Variants in RAPGEF5 observed in about 807,000 individuals in gnomAD.
RAPGEF5 encodes Rap guanine nucleotide exchange factor 5.
A neutral mutation model predicts 125.2 loss-of-function variants in RAPGEF5; 65 were observed. The observed-to-expected ratio is 0.52, with a 90% confidence interval of 0.43 to 0.64. The LOEUF (loss-of-function observed/expected upper bound fraction) is 0.64. Ranked by LOEUF, RAPGEF5 falls within the 30% of genes least tolerant of loss-of-function variation. The probability of loss-of-function intolerance (pLI) is 0.00; values close to 1 mark genes in which losing one functional copy is unlikely to be tolerated. For missense variants in RAPGEF5, 958 were observed against 1,048.1 expected (o/e 0.91, Z 1.19); for synonymous variants, 391 against 385.9 (o/e 1.01, Z -0.16).
intron 9 of RAPGEF5, among the ~76,000 whole-genome samples, chr7:22,198,440 C>A (rs576831649): frequency 1.3e-5 from 2 of 152,190 alleles, no homozygotes; most frequent in Non-Finnish European, 2.9e-5. Flanking sequence ...ATCAGAAGAC[C>A]TGCTTTAATT....
At chr7:22,349,003 A>T (rs140610375) in intron 1 of RAPGEF5, among the ~76,000 whole-genome samples, 1 of 151,908 alleles carries the variant, frequency 6.6e-6, no homozygotes, top group African/African-American at 2.4e-5. Context: ...AGGCACAAGA[A>T]TCGCTTGAAC....
chr7:22,264,042 C>A (rs1782224111), intron 7 of RAPGEF5, among the ~76,000 whole-genome samples: 1 of 152,056 alleles, frequency 6.6e-6, no homozygotes, highest in Non-Finnish European at 1.5e-5. Flanking sequence ...TATATTAATT[C>A]TCCCAAACAT....
chr7:22,346,838 C>T (rs372279109), intron 1 of RAPGEF5, among the ~76,000 whole-genome samples: 30 of 152,042 alleles, frequency 2.0e-4, no homozygotes, highest in African/African-American at 7.0e-4. Flanking sequence ...ACAAACAGTA[C>T]AAAATGAAAA....
chr7:22,179,928 A>G (rs188403336), intron 11 of RAPGEF5, among the ~76,000 whole-genome samples: 44 of 152,330 alleles, frequency 2.9e-4, no homozygotes, highest in African/African-American at 9.6e-4. Context: ...AGAAATAACT[A>G]TAAGTATCCT....
At chr7:22,209,444 A>C (rs115006677) in intron 9 of RAPGEF5, among the ~76,000 whole-genome samples, 1 of 152,158 alleles carries the variant, frequency 6.6e-6, no homozygotes, top group Admixed American at 6.5e-5. Flanking sequence ...TTTTACTTAC[A>C]TATCTTCTAA....
chr7:22,330,392 C>T (rs942286784), intron 1 of RAPGEF5, among the ~76,000 whole-genome samples: 2 of 152,164 alleles, frequency 1.3e-5, no homozygotes, highest in Non-Finnish European at 2.9e-5. Context: ...GGAAGGAGCC[C>T]TGTGCAAGTG....
At chr7:22,280,195 G>GA (rs966978172) in intron 6 of RAPGEF5, among the ~76,000 whole-genome samples, 12 of 151,710 alleles carry the variant, frequency 7.9e-5, no homozygotes, top group African/African-American at 2.2e-4. Context: ...CCTCATACAG[G>GA]AAAAAAAAGA....
At chr7:22,204,040 G>T (rs1438444726) in intron 9 of RAPGEF5, among the ~76,000 whole-genome samples, 2 of 152,216 alleles carry the variant, frequency 1.3e-5, no homozygotes, top group Admixed American at 6.5e-5. Context: ...CTACATTCTG[G>T]TTGCAGATAT....
At position 22,150,513 on chromosome 7, in the gene RAPGEF5, G is replaced by T. The variant is rs1246697628; in HGVS notation, c.1787-9C>A. The T allele has an allele frequency of 1.6e-5, 21 of 1,353,484 alleles. No individual in the cohort carries two copies. The highest frequency in any genetic ancestry group is 2.8e-5 in the South Asian group (2 of 70,304). 83.8% of individuals were successfully genotyped at this position (1,353,484 alleles called of 1,614,324 possible). A position where few individuals can be genotyped will look rare whatever the true frequency, so the allele number is the denominator to read the frequency against. On this transcript the variant is annotated splice_polypyrimidine_tract_variant and intron_variant, in intron 17 of 25. Coordinates refer to ENST00000665637, the MANE Select transcript of RAPGEF5 (RefSeq NM_012294.5). The stretch of plus-strand genomic sequence containing the variant: ...CTGAAGTTCATGCTTTTCTTTATTT[G>T]AAAAAAAAAAAAAAAAAAGGAATAA...
chr7:22,273,030 G>A (rs1782471361), intron 6 of RAPGEF5, among the ~76,000 whole-genome samples: 1 of 152,134 alleles, frequency 6.6e-6, no homozygotes, highest in Non-Finnish European at 1.5e-5. Context: ...AGAGTGCTGG[G>A]ATTGCAGGCG....
intron 1 of RAPGEF5, among the ~76,000 whole-genome samples, chr7:22,322,141 CT>C (rs561923613): frequency 0.047 from 6,813 of 144,298 alleles, 177 homozygotes; most frequent in East Asian, 0.091. Context: ...TTTTCTTTTT[CT>C]TTTTTTTTTT....
intron 6 of RAPGEF5, among the ~76,000 whole-genome samples, chr7:22,269,895 G>C (rs1782377295): frequency 6.6e-6 from 1 of 152,126 alleles, no homozygotes; most frequent in Non-Finnish European, 1.5e-5. Flanking sequence ...CCTAACATGT[G>C]GGGGATCAGT....
At chr7:22,301,692 G>T (rs963987995) in intron 5 of RAPGEF5, among the ~76,000 whole-genome samples, 2 of 150,248 alleles carry the variant, frequency 1.3e-5, no homozygotes, top group African/African-American at 4.9e-5. Context: ...AATGTAATAA[G>T]ATAATGAAAA....
intron 5 of RAPGEF5, among the ~76,000 whole-genome samples, chr7:22,303,114 C>G (rs1200512145): frequency 6.6e-6 from 1 of 152,174 alleles, no homozygotes; most frequent in Non-Finnish European, 1.5e-5. Context: ...GTGTTAGAAG[C>G]ATCTTACCAG....
At chr7:22,184,370 T>C (rs1784766305) in intron 11 of RAPGEF5, among the ~76,000 whole-genome samples, 1 of 152,228 alleles carries the variant, frequency 6.6e-6, no homozygotes, top group South Asian at 2.1e-4. Context: ...TTTTTCTGAA[T>C]ACTTTCTTAT....
At chr7:22,228,468 G>A (rs769536088) in intron 8 of RAPGEF5, among the ~76,000 whole-genome samples, 3 of 152,016 alleles carry the variant, frequency 2.0e-5, no homozygotes, top group Non-Finnish European at 4.4e-5. Flanking sequence ...AAGGAGGGTA[G>A]GAGCACAAGA....
rs1014784994 is a variant in RAPGEF5, at chr7:22,118,771, A to G, written c.*3635T>C. ...TCCCAGTATTTAATAACAGTGTGAT[A>G]CGAATACAATAAATAGACTATGCAA... On this transcript the variant is annotated 3_prime_UTR_variant, in exon 26 of 26. Coordinates refer to ENST00000665637, the MANE Select transcript of RAPGEF5 (RefSeq NM_012294.5). 1 of 152,598 alleles carries G rather than the reference A, an allele frequency of 6.6e-6. No homozygotes were observed. Among genetic ancestry groups the G allele is most frequent in the Admixed American group, 6.5e-5 (1 of 15,280 alleles). 9.5% of individuals were successfully genotyped at this position (152,598 alleles called of 1,614,324 possible).
intron 4 of RAPGEF5, 144 bp from the exon 5 acceptor site, chr7:22,308,651 T>A: frequency 1.5e-6 from 1 of 670,294 alleles, no homozygotes; most frequent in Non-Finnish European, 2.3e-6. Context: ...TCATTCATGT[T>A]TATAATCCCA....
rs112958253 is a variant in RAPGEF5 at position 22,226,718 on chromosome 7, T to A, written c.870+4128A>T. 6.5e-3 allele frequency among the ~76,000 whole-genome samples: 984 copies of A among 152,308 alleles called. 5 individuals are homozygous for A. Among genetic ancestry groups the A allele is most frequent in the Non-Finnish European group, 0.011 (717 of 68,024 alleles). On this transcript the variant is annotated intron_variant, in intron 8 of 25. Transcript: ENST00000665637. Reference sequence around the variant, plus strand: ...ACCATGCTGGGGCATCAGGGAGCTTTAGAAATCATTTCATAATTCCTAGCC... The same window carrying A: ...ACCATGCTGGGGCATCAGGGAGCTTAAGAAATCATTTCATAATTCCTAGCC...
Sources: allele counts gnomAD v4.1 joint callset (sites outside exome capture counted in the v4.1 genomes callset), GRCh38; gene constraint gnomAD v4.1.1; transcripts MANE v1.5; gene names NCBI Gene and HGNC (gene_info 2026-07-23, HGNC 2026-07-21).